The following UNC5C variants were observed in gnomAD, a reference collection of about 807,000 sequenced individuals.
UNC5C encodes the protein unc-5 netrin receptor C.
Under a neutral mutation model 99.8 loss-of-function variants are expected in UNC5C, and 47 were observed. The ratio of observed to expected loss-of-function variants is 0.47; its 90% CI spans 0.37 to 0.60. UNC5C has a LOEUF of 0.60. Among genes scored for constraint, UNC5C ranks in the 20% least tolerant of loss-of-function variants. The probability of loss-of-function intolerance (pLI) is 0.00; values close to 1 mark genes in which losing one functional copy is unlikely to be tolerated. For synonymous variants in UNC5C, 487 were observed against 452.2 expected, an observed-to-expected ratio of 1.08 and a Z score of -0.98; for missense variants, 1,062 against 1,165.9, an observed-to-expected ratio of 0.91 and a Z score of 1.30.
intron 1 of UNC5C, among the ~76,000 whole-genome samples, chr4:95,365,649 C>G (rs1229188909): frequency 6.6e-6 from 1 of 151,978 alleles, no homozygotes; most frequent in Non-Finnish European, 1.5e-5. Context: ...GTCAAAGTGC[C>G]AATTGATCTT....
chr4:95,513,644 G>A (rs1295651031), intron 1 of UNC5C, among the ~76,000 whole-genome samples: 7 of 151,968 alleles, frequency 4.6e-5, no homozygotes, highest in African/African-American at 1.7e-4. Context: ...TGAATATATA[G>A]ACATACATAG....
At chr4:95,434,720 A>C (rs1364671187) in intron 1 of UNC5C, among the ~76,000 whole-genome samples, 1 of 152,078 alleles carries the variant, frequency 6.6e-6, no homozygotes, top group Non-Finnish European at 1.5e-5. Flanking sequence ...GTTCAAAGCC[A>C]TGACTATATT....
rs1560707368 is a variant in UNC5C, at chr4:95,165,882, G to T, written c.*3352C>A. On this transcript the variant is annotated 3_prime_UTR_variant, in exon 16 of 16. Transcript: ENST00000453304. ...ATTTTACATAGTTCTGTTACAAGAAGCAACTGAAGATATGTTGTGTATGAA... is the reference window on the plus strand; with the variant it reads ...ATTTTACATAGTTCTGTTACAAGAATCAACTGAAGATATGTTGTGTATGAA... 6.6e-6 allele frequency: 1 copy of T among 152,138 alleles called. No individual in the cohort carries two copies. The highest frequency in any genetic ancestry group is 1.5e-5 in the Non-Finnish European group (1 of 68,024). The allele number at this position is 152,138 out of a possible 1,614,324, so 9.4% of individuals were successfully genotyped here.
chr4:95,336,652 T>C (rs1743360659), intron 1 of UNC5C, among the ~76,000 whole-genome samples: 1 of 151,880 alleles, frequency 6.6e-6, no homozygotes, highest in Non-Finnish European at 1.5e-5. Context: ...ACTTTTTTCA[T>C]TCAAGTCATA....
intron 1 of UNC5C, among the ~76,000 whole-genome samples, chr4:95,349,375 T>TAC (rs1370437962): frequency 7.3e-4 from 86 of 118,566 alleles, no homozygotes; most frequent in African/African-American, 2.5e-3. Flanking sequence ...ATCTCCCTCA[T>TAC]ACACACACAC....
chr4:95,398,547 C>T (rs79118979), intron 1 of UNC5C, among the ~76,000 whole-genome samples: 6,127 of 152,150 alleles, frequency 0.04, 254 homozygotes, highest in African/African-American at 0.099. Flanking sequence ...TCATTCTAAG[C>T]CATTGTTGAC....
intron 2 of UNC5C, among the ~76,000 whole-genome samples, chr4:95,310,480 T>C (rs1359411526): frequency 1.3e-5 from 2 of 152,158 alleles, no homozygotes; most frequent in Non-Finnish European, 2.9e-5. Flanking sequence ...TGAGGTGATG[T>C]ATATGTTAAT....
intron 1 of UNC5C, among the ~76,000 whole-genome samples, chr4:95,345,073 C>CA (rs1379246102): frequency 2.7e-5 from 4 of 150,728 alleles, no homozygotes; most frequent in Non-Finnish European, 3.0e-5. Context: ...TAAAACAAAA[C>CA]AAAAAAAATA....
chr4:95,213,101 T>C (rs1219067345), intron 10 of UNC5C, among the ~76,000 whole-genome samples: 1 of 152,224 alleles, frequency 6.6e-6, no homozygotes, highest in Non-Finnish European at 1.5e-5. Flanking sequence ...TTTCCATGGC[T>C]CCCTGCGGTT....
intron 1 of UNC5C, among the ~76,000 whole-genome samples, chr4:95,464,034 A>G (rs965968170): frequency 1.3e-5 from 2 of 152,238 alleles, no homozygotes; most frequent in Non-Finnish European, 2.9e-5. Flanking sequence ...AACGGTATAA[A>G]TACTTTTGCG....
chr4:95,376,930 C>G (rs1052779592), intron 1 of UNC5C, among the ~76,000 whole-genome samples: 71 of 152,286 alleles, frequency 4.7e-4, no homozygotes, highest in African/African-American at 1.6e-3. Context: ...TACAACAGTT[C>G]TGGTTGTCTG....
At position 95,211,924 on chromosome 4, in the gene UNC5C, T is replaced by C. The variant is rs566508022; in HGVS notation, c.1733+4200A>G. Among the ~76,000 whole-genome samples, 7 of 152,310 alleles carry C rather than the reference T, an allele frequency of 4.6e-5. No individual in the cohort carries two copies. The South Asian group carries it at 1.0e-3, about 23-fold the overall frequency. On this transcript the variant is annotated intron_variant, in intron 10 of 15. Transcript: ENST00000453304. ...ACCTGGACTCACTAACTCCCACTGT[T>C]AGCCTTTTTATGGCTCTTCCTTCAA...
At chr4:95,423,191 A>T (rs1321898951) in intron 1 of UNC5C, among the ~76,000 whole-genome samples, 1 of 152,174 alleles carries the variant, frequency 6.6e-6, no homozygotes, top group Non-Finnish European at 1.5e-5. Context: ...GAGCCTAAAA[A>T]TCATGTGAGT....
At chr4:95,479,676 T>C (rs1451100162) in intron 1 of UNC5C, among the ~76,000 whole-genome samples, 1 of 151,900 alleles carries the variant, frequency 6.6e-6, no homozygotes, top group African/African-American at 2.4e-5. Flanking sequence ...ATACCCAAGA[T>C]AGTGAACATA....
At chr4:95,524,494 G>A (rs115752625) in intron 1 of UNC5C, among the ~76,000 whole-genome samples, 1,599 of 152,272 alleles carry the variant, frequency 0.011, 10 homozygotes, top group African/African-American at 0.021. Context: ...GGCCTGTCCT[G>A]CATAAGACAT....
chr4:95,179,388 T>TAAG (rs1283404028), intron 14 of UNC5C, among the ~76,000 whole-genome samples: 2 of 152,272 alleles, frequency 1.3e-5, no homozygotes. Flanking sequence ...TAAGAGGTTA[T>TAAG]AAGATCTAGC....
chr4:95,474,389 C>A (rs550459960), intron 1 of UNC5C, among the ~76,000 whole-genome samples: 1 of 152,140 alleles, frequency 6.6e-6, no homozygotes, highest in African/African-American at 2.4e-5. Context: ...CTCCTGGGTT[C>A]AAGCGATTCT....
At chr4:95,537,043 C>G (rs1178685241) in intron 1 of UNC5C, among the ~76,000 whole-genome samples, 1 of 152,160 alleles carries the variant, frequency 6.6e-6, no homozygotes, top group Non-Finnish European at 1.5e-5. Context: ...TCTGCCACCC[C>G]ACTACGGTTA....
chr4:95,510,958 A>G (rs1163683765), intron 1 of UNC5C, among the ~76,000 whole-genome samples: 2 of 152,148 alleles, frequency 1.3e-5, no homozygotes, highest in Non-Finnish European at 2.9e-5. Flanking sequence ...TCAGGTCCCC[A>G]TTAGCTAGTG....
Sources: gnomAD v4.1 joint callset for allele counts (sites outside exome capture counted in the v4.1 genomes callset) on GRCh38, gnomAD v4.1.1 for gene constraint, MANE v1.5 for transcripts, NCBI Gene and HGNC (gene_info 2026-07-23, HGNC 2026-07-21) for gene names.